NAALADL2: variants seen among roughly 807,000 people sequenced by gnomAD.
The protein encoded by NAALADL2 is inactive N-acetylated-alpha-linked acidic dipeptidase-like protein 2.
In NAALADL2, 76 loss-of-function variants were observed where a neutral mutation model predicts 87.2. The ratio of observed to expected loss-of-function variants is 0.87; its 90% CI spans 0.72 to 1.05. The LOEUF (loss-of-function observed/expected upper bound fraction) is 1.05, where lower values mean the gene tolerates loss of function less well. NAALADL2 is among the 50% of genes least tolerant of loss of function. The pLI, the probability that NAALADL2 is intolerant of heterozygous loss-of-function variation, is 0.00. For synonymous variants in NAALADL2, 354 were observed against 331.0 expected (o/e 1.07, Z -0.75); for missense variants, 1,089 against 945.8 (o/e 1.15, Z -1.99).
chr3:174,988,011 T>G (rs369986656), intron 1 of NAALADL2, among the ~76,000 whole-genome samples: 47 of 151,586 alleles, frequency 3.1e-4, no homozygotes, highest in Middle Eastern at 3.4e-3. Context: ...TGATAAACTG[T>G]AAAATAAGTT....
chr3:175,479,090 G>A (rs762388086), intron 9 of NAALADL2, among the ~76,000 whole-genome samples: 3 of 151,348 alleles, frequency 2.0e-5, no homozygotes, highest in Non-Finnish European at 1.5e-5. Flanking sequence ...TAAGTACTGG[G>A]GTAATTTTAT....
At chr3:175,203,192 T>C (rs993675932) in intron 2 of NAALADL2, among the ~76,000 whole-genome samples, 1 of 152,098 alleles carries the variant, frequency 6.6e-6, no homozygotes, top group Non-Finnish European at 1.5e-5. Flanking sequence ...AGCTGGAGAT[T>C]AACTTCTCCC....
At chr3:175,063,679 C>T (rs1713992519) in intron 1 of NAALADL2, among the ~76,000 whole-genome samples, 1 of 151,834 alleles carries the variant, frequency 6.6e-6, no homozygotes, top group Non-Finnish European at 1.5e-5. Context: ...AGATGGATCT[C>T]CCTACATTGC....
At chr3:174,625,931 T>A (rs1354034337) in intron 2 of NAALADL2, among the ~76,000 whole-genome samples, 2 of 152,090 alleles carry the variant, frequency 1.3e-5, no homozygotes, top group African/African-American at 4.8e-5. Flanking sequence ...AGTTGTGGAA[T>A]ACAGGTTAAG....
At chr3:174,706,676 A>G (rs933322770) in intron 2 of NAALADL2, among the ~76,000 whole-genome samples, 1 of 152,158 alleles carries the variant, frequency 6.6e-6, no homozygotes, top group Non-Finnish European at 1.5e-5. Context: ...TTTTGTTGCC[A>G]TTGCTTTTGG....
intron 13 of NAALADL2, among the ~76,000 whole-genome samples, chr3:175,794,197 T>C (rs73881378): frequency 0.053 from 8,063 of 152,186 alleles, 543 homozygotes; most frequent in African/African-American, 0.15. Flanking sequence ...AATAAAATTG[T>C]CTTTGGAGGT....
rs1264923790 is a variant in NAALADL2, at chr3:174,912,742, TCAG to T, written c.43+53295_43+53297del. Among the ~76,000 whole-genome samples, 3 of 152,336 alleles carry T rather than the reference TCAG, an allele frequency of 2.0e-5. No individual in the cohort carries two copies. The East Asian group carries it at 5.8e-4, about 29-fold the overall frequency. ...TTGTTGGCAATGGTCTGTTTCATGA[TCAG>T]CACAAATTTAGAATTATATATTGAT... is the stretch of plus-strand genomic sequence containing the variant. On this transcript the variant is annotated intron_variant, in intron 1 of 13. Coordinates refer to ENST00000454872, the MANE Select transcript of NAALADL2 (RefSeq NM_207015.3).
At chr3:175,473,185 AC>A (rs1486078044) in intron 9 of NAALADL2, among the ~76,000 whole-genome samples, 1 of 152,144 alleles carries the variant, frequency 6.6e-6, no homozygotes, top group Non-Finnish European at 1.5e-5. Context: ...ACATCTTATA[AC>A]AGGACTAAAA....
intron 2 of NAALADL2, among the ~76,000 whole-genome samples, chr3:174,569,192 A>G (rs1227353691): frequency 1.3e-5 from 2 of 151,906 alleles, no homozygotes; most frequent in Non-Finnish European, 2.9e-5. Context: ...AGTGTATTAC[A>G]TGTACACTAT....
chr3:175,675,186 A>G (rs1390643087), intron 11 of NAALADL2: 1 of 152,192 alleles, frequency 6.6e-6, no homozygotes, highest in Admixed American at 6.5e-5. Context: ...TTGAAACCTT[A>G]ATTCCTTATT....
intron 1 of NAALADL2, among the ~76,000 whole-genome samples, chr3:175,070,657 C>T (rs925574962): frequency 6.6e-6 from 1 of 151,994 alleles, no homozygotes; most frequent in African/African-American, 2.4e-5. Flanking sequence ...GTCAAATATG[C>T]AGATACTTTT....
At chr3:175,583,255 T>A (rs1275781162) in intron 10 of NAALADL2, among the ~76,000 whole-genome samples, 4 of 152,152 alleles carry the variant, frequency 2.6e-5, no homozygotes, top group Non-Finnish European at 5.9e-5. Context: ...AAGACCAAAA[T>A]TCAAAATTTG....
intron 2 of NAALADL2, among the ~76,000 whole-genome samples, chr3:174,609,767 C>T (rs1278024121): frequency 1.3e-5 from 2 of 152,096 alleles, no homozygotes; most frequent in Non-Finnish European, 2.9e-5. Context: ...TCAATGTCAT[C>T]CCCATTAAGC....
intron 1 of NAALADL2, among the ~76,000 whole-genome samples, chr3:174,950,867 C>T (rs1391474929): frequency 1.3e-5 from 2 of 151,972 alleles, no homozygotes; most frequent in Non-Finnish European, 2.9e-5. Context: ...TCATTTGAAT[C>T]AAATAGCTAT....
chr3:175,265,211 G>T (rs1426785655), intron 4 of NAALADL2, among the ~76,000 whole-genome samples: 1 of 151,598 alleles, frequency 6.6e-6, no homozygotes, highest in East Asian at 1.9e-4. Context: ...TGAAACTCAG[G>T]ACTTCAAGGC....
chr3:174,786,449 C>CAAA (rs36127298), intron 3 of NAALADL2, among the ~76,000 whole-genome samples: 2 of 122,674 alleles, frequency 1.6e-5, no homozygotes, highest in African/African-American at 6.4e-5. Context: ...GACTCTGTCT[C>CAAA]AAAAAAAAAA....
At chr3:174,955,620 G>A (rs1468110556) in intron 1 of NAALADL2, among the ~76,000 whole-genome samples, 3 of 152,028 alleles carry the variant, frequency 2.0e-5, no homozygotes, top group Non-Finnish European at 4.4e-5. Context: ...TGTAGACAAA[G>A]GATTAAATAG....
At chr3:175,511,819 C>A (rs1483826505) in intron 9 of NAALADL2, among the ~76,000 whole-genome samples, 1 of 152,146 alleles carries the variant, frequency 6.6e-6, no homozygotes, top group African/African-American at 2.4e-5. Flanking sequence ...GTAGGAAATT[C>A]CAAGTGTGAG....
intron 2 of NAALADL2, among the ~76,000 whole-genome samples, chr3:174,610,618 A>T (rs1488366366): frequency 6.6e-6 from 1 of 152,064 alleles, no homozygotes; most frequent in Non-Finnish European, 1.5e-5. Flanking sequence ...ACAATGAGAT[A>T]CCATCTCACA....
Sources: gnomAD v4.1 joint callset for allele counts (sites outside exome capture counted in the v4.1 genomes callset) on GRCh38, gnomAD v4.1.1 for gene constraint, MANE v1.5 for transcripts, NCBI Gene and HGNC (gene_info 2026-07-23, HGNC 2026-07-21) for gene names.